KDM4B: variants seen among roughly 807,000 people sequenced by gnomAD.
KDM4B encodes lysine demethylase 4B.
In KDM4B, 32 loss-of-function variants were observed where a neutral mutation model predicts 125.2. That is an observed-to-expected ratio of 0.26 (90% CI 0.19 to 0.34). The LOEUF (loss-of-function observed/expected upper bound fraction) is 0.34, where lower values mean the gene tolerates loss of function less well. KDM4B is among the 10% of genes least tolerant of loss of function. KDM4B has a pLI of 1.00. For synonymous variants in KDM4B, 721 were observed against 677.9 expected (o/e 1.06, Z -0.99); for missense variants, 1,190 against 1,577.7 (o/e 0.75, Z 4.16).
chr19:5,133,803 C>T (rs2039600180), intron 13 of KDM4B, 80 bp from the exon 14 acceptor site: 10 of 1,484,064 alleles, frequency 6.7e-6, no homozygotes, highest in Non-Finnish European at 9.3e-6. Context: ...GGGGCCATCC[C>T]CTGGGCAGTT....
chr19:5,022,237 T>A (rs2036145415), intron 2 of KDM4B, among the ~76,000 whole-genome samples: 2 of 151,962 alleles, frequency 1.3e-5, no homozygotes, highest in Non-Finnish European at 2.9e-5. Context: ...CCTCTGAGAG[T>A]GTGGCCCTGG....
chr19:5,015,027 GCCCC>G (rs1205404126), intron 1 of KDM4B, among the ~76,000 whole-genome samples: 3 of 151,846 alleles, frequency 2.0e-5, no homozygotes, highest in African/African-American at 7.3e-5. Flanking sequence ...CAAAACCAGG[GCCCC>G]AGGGGGCGAG....
intron 9 of KDM4B, among the ~76,000 whole-genome samples, chr19:5,100,082 T>A (rs2038901762): frequency 6.6e-6 from 1 of 152,244 alleles, no homozygotes; most frequent in Admixed American, 6.5e-5. Context: ...CTCCTCTGAT[T>A]CCTCATCCTT....
chr19:5,022,626 G>A (rs1402836313), intron 2 of KDM4B, among the ~76,000 whole-genome samples: 3 of 152,174 alleles, frequency 2.0e-5, no homozygotes, highest in Non-Finnish European at 4.4e-5. Flanking sequence ...ATGGTCCCGG[G>A]AGTTAGCTCT....
intron 6 of KDM4B, among the ~76,000 whole-genome samples, chr19:5,048,851 G>A (rs1458892262): frequency 6.6e-6 from 1 of 152,226 alleles, no homozygotes; most frequent in Non-Finnish European, 1.5e-5. Flanking sequence ...GAGAGCCCCT[G>A]TGGGGCGGGA....
At chr19:5,059,058 G>A (rs1191250885) in intron 6 of KDM4B, among the ~76,000 whole-genome samples, 4 of 152,334 alleles carry the variant, frequency 2.6e-5, no homozygotes, top group African/African-American at 4.8e-5. Context: ...TGCAGCCGGC[G>A]AGGCTGGCCC....
intron 9 of KDM4B, among the ~76,000 whole-genome samples, chr19:5,092,576 G>A (rs1427617188): frequency 3.3e-5 from 5 of 152,234 alleles, no homozygotes; most frequent in East Asian, 1.9e-4. Context: ...TTGCCAGCTC[G>A]GCAGCCCCCA....
intron 6 of KDM4B, among the ~76,000 whole-genome samples, chr19:5,065,045 G>GTGGCAGGCGGGGTCCCTGGGGGTGC (rs2037724724): frequency 1.3e-5 from 2 of 152,352 alleles, no homozygotes; most frequent in African/African-American, 4.8e-5. Context: ...TGCTTTGGCC[G>GTGGCAGGCGGGGTCCCTGGGGGTGC]TGGCAGGCGG....
chr19:5,117,837 G>A lies in KDM4B; in HGVS notation c.1116-1816G>A, dbSNP rs538967730. ...CATGCTGTGTGATGCCATGCCTCTG[G>A]TCCACCCGCTTTCTGCCTTGAGTCA... On this transcript the variant is annotated intron_variant, in intron 10 of 22. Transcript: ENST00000159111. Among the ~76,000 whole-genome samples, 12 of 152,276 alleles carry A rather than the reference G, an allele frequency of 7.9e-5. No individual in the cohort carries two copies. In the South Asian group the frequency reaches 2.5e-3, roughly 32 times the overall value.
chr19:5,071,234 G>A (rs11668898), intron 7 of KDM4B, among the ~76,000 whole-genome samples, 175 bp downstream of exon 7: 2 of 152,312 alleles, frequency 1.3e-5, no homozygotes, highest in South Asian at 2.1e-4. Context: ...TCCCACCCTC[G>A]TGGTCAGATT....
At chr19:5,027,960 A>G (rs1290106246) in intron 2 of KDM4B, among the ~76,000 whole-genome samples, 1 of 152,150 alleles carries the variant, frequency 6.6e-6, no homozygotes, top group Non-Finnish European at 1.5e-5. Context: ...TGCAACTATC[A>G]TCACAATTTG....
chr19:5,081,777 A>G lies in KDM4B; in HGVS notation c.781-590A>G, dbSNP rs759972322. 6.6e-6 allele frequency among the ~76,000 whole-genome samples: 1 copy of G among 152,172 alleles called. No individual in the cohort carries two copies. On this transcript the variant is annotated intron_variant, in intron 8 of 22. Transcript: ENST00000159111. This position sits in a 1 kb window ranked among gnomAD's most constrained non-coding sequence, Gnocchi z 4.2. ...ATGGCTTGGGATGGCGGCGTGTCGC[A>G]GGCCCCTTCCTGGCGTGTTTTGCGC...
intron 9 of KDM4B, among the ~76,000 whole-genome samples, chr19:5,083,302 G>A (rs540713637): frequency 3.7e-4 from 57 of 152,206 alleles, no homozygotes; most frequent in Non-Finnish European, 6.5e-4. Flanking sequence ...TGCTGGGCAC[G>A]GGTGGGACGG....
At chr19:5,131,808 G>T in intron 12 of KDM4B, 79 bp from the exon 13 acceptor site, 1 of 1,588,128 alleles carries the variant, frequency 6.3e-7, no homozygotes, top group Admixed American at 1.7e-5. Context: ...CAGGCACGCC[G>T]AGCCCCTGTG....
At chr19:5,119,566 G>C (rs1308686904) in intron 10 of KDM4B, 87 bp from the exon 11 acceptor site, 3 of 1,307,702 alleles carry the variant, frequency 2.3e-6, no homozygotes, top group Non-Finnish European at 3.2e-6. Flanking sequence ...GGGTGGGCGG[G>C]GGCTGCGTGC....
intron 21 of KDM4B, among the ~76,000 whole-genome samples, chr19:5,148,841 C>T (rs2039896634): frequency 1.3e-5 from 2 of 152,370 alleles, no homozygotes; most frequent in South Asian, 2.1e-4. Context: ...AAGGGGCCTT[C>T]TCCCGGTGGC....
At chr19:5,011,086 G>A (rs1316255967) in intron 1 of KDM4B, among the ~76,000 whole-genome samples, 1 of 152,168 alleles carries the variant, frequency 6.6e-6, no homozygotes, top group African/African-American at 2.4e-5. Flanking sequence ...CCCCTCGCAT[G>A]TCCTTTCTGC....
In KDM4B at chr19:5,082,610, C is replaced by T; in HGVS notation, c.918+106C>T. The T allele has an allele frequency of 7.8e-7, 1 of 1,284,162 alleles. No individual in the cohort carries two copies. Among genetic ancestry groups the T allele is most frequent in the Non-Finnish European group, 1.1e-6 (1 of 949,568 alleles). The allele number at this position is 1,284,162 out of a possible 1,614,324, so 79.5% of individuals were successfully genotyped here. ...CTGGTCCAGCAGCCGTTTCGCTCAG[C>T]CCAGGGCCTGGGCTCTCAACCAGGG... is the stretch of plus-strand genomic sequence containing the variant. On this transcript the variant is annotated intron_variant, in intron 9 of 22. Coordinates refer to ENST00000159111, the MANE Select transcript of KDM4B (RefSeq NM_015015.3). This position sits in a 1 kb window ranked among gnomAD's most constrained non-coding sequence, Gnocchi z 5.4.
chr19:4,990,933 C>T (rs2035012178), intron 1 of KDM4B, among the ~76,000 whole-genome samples: 1 of 151,932 alleles, frequency 6.6e-6, no homozygotes. Context: ...CCAGCCTGAC[C>T]AATATGGTGA....
Sources: allele counts gnomAD v4.1 joint callset (sites outside exome capture counted in the v4.1 genomes callset), GRCh38; gene constraint gnomAD v4.1.1; non-coding constraint Gnocchi (gnomAD v3.1); transcripts MANE v1.5; gene names NCBI Gene and HGNC (gene_info 2026-07-23, HGNC 2026-07-21).